The following GRM1 variants were observed in gnomAD, a reference collection of about 807,000 sequenced individuals.
The protein encoded by GRM1 is glutamate metabotropic receptor 1.
Under a neutral mutation model 90.9 loss-of-function variants are expected in GRM1, and 33 were observed. The observed-to-expected ratio is 0.36, with a 90% CI of 0.28 to 0.49. GRM1 has a LOEUF of 0.49. Among genes scored for constraint, GRM1 ranks in the 20% least tolerant of loss-of-function variants. GRM1 has a pLI of 0.99. For missense variants in GRM1, 1,190 were observed against 1,534.3 expected (o/e 0.78, Z 3.75); for synonymous variants, 700 against 613.2 (o/e 1.14, Z -2.09).
At chr6:146,201,492 C>G (rs1471842239) in intron 2 of GRM1, among the ~76,000 whole-genome samples, 1 of 152,170 alleles carries the variant, frequency 6.6e-6, no homozygotes, top group Non-Finnish European at 1.5e-5. Flanking sequence ...TCTGGGATTG[C>G]AGAGGGCCAT....
intron 1 of GRM1, among the ~76,000 whole-genome samples, chr6:146,066,765 GC>G (rs1775862858): frequency 1.6e-5 from 1 of 61,990 alleles, no homozygotes; most frequent in African/African-American, 4.5e-5. Flanking sequence ...AGACAGACAG[GC>G]AGAGAGAGAG....
intron 1 of GRM1, among the ~76,000 whole-genome samples, chr6:146,078,723 C>A (rs904712973): frequency 6.6e-6 from 1 of 152,040 alleles, no homozygotes; most frequent in Non-Finnish European, 1.5e-5. Context: ...TAAAACAATG[C>A]GGTGGGATCA....
intron 2 of GRM1, among the ~76,000 whole-genome samples, chr6:146,165,823 T>C (rs997947485): frequency 6.6e-6 from 1 of 152,092 alleles, no homozygotes; most frequent in Non-Finnish European, 1.5e-5. Context: ...AGATCTCTGA[T>C]ACAGAATTGG....
chr6:146,212,025 C>A (rs535988568), intron 2 of GRM1, among the ~76,000 whole-genome samples: 3 of 152,160 alleles, frequency 2.0e-5, no homozygotes, highest in Admixed American at 1.3e-4. Flanking sequence ...CTCTTGGGAA[C>A]TAGCAGAAGT....
At chr6:146,368,914 A>G (rs1196335083) in intron 5 of GRM1, among the ~76,000 whole-genome samples, 3 of 152,020 alleles carry the variant, frequency 2.0e-5, no homozygotes, top group South Asian at 2.1e-4. Context: ...ATAGTTTGAG[A>G]ATAATTAATA....
intron 2 of GRM1, among the ~76,000 whole-genome samples, chr6:146,194,283 T>C (rs1028895633): frequency 2.0e-5 from 3 of 152,190 alleles, no homozygotes; most frequent in African/African-American, 4.8e-5. Flanking sequence ...TAATGACATC[T>C]TCTTTGTTGT....
At chr6:146,193,918 G>A (rs1779019794) in intron 2 of GRM1, among the ~76,000 whole-genome samples, 1 of 151,048 alleles carries the variant, frequency 6.6e-6, no homozygotes, top group African/African-American at 2.4e-5. Context: ...CTTAGGACAT[G>A]GACATTCTTC....
intron 1 of GRM1, among the ~76,000 whole-genome samples, chr6:146,064,433 C>G (rs188137505): frequency 2.0e-3 from 300 of 152,016 alleles, no homozygotes; most frequent in African/African-American, 6.0e-3. Flanking sequence ...AATACTAAAC[C>G]CTGCAATTCT....
intron 1 of GRM1, among the ~76,000 whole-genome samples, chr6:146,147,191 A>G (rs1346338777): frequency 6.6e-6 from 1 of 152,212 alleles, no homozygotes; most frequent in Non-Finnish European, 1.5e-5. Context: ...ATTTTTTATT[A>G]AAGAAGAACA....
At chr6:146,301,563 C>T (rs896590131) in intron 2 of GRM1, among the ~76,000 whole-genome samples, 7 of 152,162 alleles carry the variant, frequency 4.6e-5, no homozygotes, top group African/African-American at 9.7e-5. Flanking sequence ...AAACAAATTT[C>T]ACATCTTATT....
chr6:146,157,221 A>G (rs1456721714), intron 1 of GRM1, among the ~76,000 whole-genome samples: 1 of 152,216 alleles, frequency 6.6e-6, no homozygotes. Context: ...CAGTGAAGTG[A>G]GGAAAACAGG....
intron 3 of GRM1, among the ~76,000 whole-genome samples, chr6:146,343,343 G>T (rs1459980065): frequency 6.6e-6 from 1 of 152,086 alleles, no homozygotes; most frequent in Non-Finnish European, 1.5e-5. Context: ...TATGCTCTTT[G>T]AAAGCTACTC....
intron 1 of GRM1, among the ~76,000 whole-genome samples, chr6:146,036,932 T>C (rs934257550): frequency 6.6e-6 from 1 of 151,982 alleles, no homozygotes; most frequent in Admixed American, 6.6e-5. Context: ...ATAACTATTA[T>C]TACTACTAAT....
intron 2 of GRM1, among the ~76,000 whole-genome samples, chr6:146,206,053 G>C (rs1004069581): frequency 6.6e-6 from 1 of 152,200 alleles, no homozygotes; most frequent in Non-Finnish European, 1.5e-5. Flanking sequence ...TGTCGTAGCA[G>C]AGAAAGAGAA....
At chr6:146,124,928 C>T (rs1291661000) in intron 1 of GRM1, among the ~76,000 whole-genome samples, 2 of 152,124 alleles carry the variant, frequency 1.3e-5, no homozygotes, top group Admixed American at 6.6e-5. Flanking sequence ...TCCAGTTCCT[C>T]ATTTAAACTA....
At chr6:146,179,884 C>G (rs1778482015) in intron 2 of GRM1, among the ~76,000 whole-genome samples, 1 of 151,302 alleles carries the variant, frequency 6.6e-6, no homozygotes, top group Non-Finnish European at 1.5e-5. Context: ...AAAAACTCTT[C>G]TTTTCCCAGC....
At chr6:146,156,208 C>G (rs1470403376) in intron 1 of GRM1, among the ~76,000 whole-genome samples, 2 of 152,152 alleles carry the variant, frequency 1.3e-5, no homozygotes, top group African/African-American at 4.8e-5. Context: ...GAGTTCAAGA[C>G]CAGCCTGGCC....
intron 3 of GRM1, among the ~76,000 whole-genome samples, chr6:146,328,584 T>C (rs1784477905): frequency 6.6e-6 from 1 of 152,220 alleles, no homozygotes; most frequent in South Asian, 2.1e-4. Context: ...TCTTTACCTC[T>C]TTATATACAC....
rs1562568707 is a variant in GRM1 at position 146,267,686 on chromosome 6, GGCTCGGCTC to G, written c.951-36923_951-36915del. On this transcript the variant is annotated intron_variant, in intron 2 of 7. Transcript: ENST00000282753. ...GGCTGGGCTGGGCTGGGCTGGGCTCGGCTCGGCTCGGCTCGGCTCGTCTCGTCTCGTCTC... is the reference window on the plus strand; with the variant it reads ...GGCTGGGCTGGGCTGGGCTGGGCTCGGGCTCGGCTCGTCTCGTCTCGTCTC... 7.6e-3 allele frequency among the ~76,000 whole-genome samples: 791 copies of G among 104,380 alleles called. 46 individuals are homozygous for G. Among genetic ancestry groups the G allele is most frequent in the Admixed American group, 0.043 (497 of 11,442 alleles). The allele number at this position is 104,380 out of a possible 152,430, so 68.5% of individuals were successfully genotyped here. A position where few individuals can be genotyped will look rare whatever the true frequency, so the allele number is the denominator to read the frequency against.
Sources: gnomAD v4.1 joint callset for allele counts (sites outside exome capture counted in the v4.1 genomes callset) on GRCh38, gnomAD v4.1.1 for gene constraint, MANE v1.5 for transcripts, NCBI Gene and HGNC (gene_info 2026-07-23, HGNC 2026-07-21) for gene names.